The following OTOGL variants were observed in gnomAD, a reference collection of about 807,000 sequenced individuals.
OTOGL encodes otogelin-like protein.
A neutral mutation model predicts 318.5 loss-of-function variants in OTOGL; 285 were observed. That is an observed-to-expected ratio of 0.89 (90% CI 0.81 to 0.99). The LOEUF (loss-of-function observed/expected upper bound fraction) is 0.99, where lower values mean the gene tolerates loss of function less well. OTOGL is among the 50% of genes least tolerant of loss of function. The probability of loss-of-function intolerance (pLI) is 0.00; values close to 1 mark genes in which losing one functional copy is unlikely to be tolerated. For synonymous variants in OTOGL, 987 were observed against 936.5 expected (o/e 1.05, Z -0.99); for missense variants, 2,899 against 2,845.6 (o/e 1.02, Z -0.43).
intron 15 of OTOGL, 74 bp downstream of exon 15, chr12:80,254,644 T>C (rs2137514052): frequency 1.7e-6 from 2 of 1,209,412 alleles, no homozygotes; most frequent in South Asian, 1.4e-5. Context: ...GCACTGATCT[T>C]TATGAAGACA....
chr12:80,341,833 G>T lies in OTOGL; in HGVS notation c.5051-115G>T. 3 of 716,330 alleles carry T rather than the reference G, an allele frequency of 4.2e-6. No homozygotes were observed. The South Asian group carries it at 6.0e-5, about 14-fold the overall frequency. 44.4% of individuals were successfully genotyped at this position (716,330 alleles called of 1,614,324 possible). ...TAAAAGTTCAAGGATACATAAACTT[G>T]GTACCTTATATGGTAAATCATTTGT... is the stretch of plus-strand genomic sequence containing the variant. On this transcript the variant is annotated intron_variant, in intron 43 of 58. Transcript: ENST00000547103.
At chr12:80,298,882 C>T (rs939156726) in intron 27 of OTOGL, among the ~76,000 whole-genome samples, 4 of 152,122 alleles carry the variant, frequency 2.6e-5, no homozygotes, top group Admixed American at 6.6e-5. Context: ...ATTTGAACCT[C>T]ATTTTACAGG....
At chr12:80,261,764 T>G (rs1365534257) in intron 18 of OTOGL, among the ~76,000 whole-genome samples, 1 of 152,212 alleles carries the variant, frequency 6.6e-6, no homozygotes, top group Non-Finnish European at 1.5e-5. Flanking sequence ...AATAAAATCA[T>G]GTATGTCTAC....
rs1326648130 is a variant in OTOGL, at chr12:80,262,045, C to T, written c.1966C>T (p.Pro656Ser). 1.2e-6 allele frequency: 2 copies of T among 1,612,906 alleles called. No homozygotes were observed. Among genetic ancestry groups the T allele is most frequent in the Non-Finnish European group, 1.7e-6 (2 of 1,179,308 alleles). Reference protein sequence around the residue: ...AWRVSSTCFAPVHVPVVDPCN... With the variant: ...AWRVSSTCFASVHVPVVDPCN... ...GAGAGTTTCTTCTACCTGTTTTGCACCTGTTCATGTCCCAGTGGTGGACCC... is the reference window on the plus strand; with the variant it reads ...GAGAGTTTCTTCTACCTGTTTTGCATCTGTTCATGTCCCAGTGGTGGACCC... Residue 656 changes from proline (P) to serine (S), a missense_variant, in exon 19 of 59, where the codon CCT becomes TCT. Physicochemically the swap from Pro to Ser is moderately conservative, Grantham distance 74 (BLOSUM62 -1). Around this residue, in one of 3 missense-constraint regions of OTOGL, gnomAD observed 2,607 missense variants for 2,524.9 expected, o/e 1.03. Coordinates refer to ENST00000547103, the MANE Select transcript of OTOGL (RefSeq NM_001378609.3).
Position 80,252,193 on chromosome 12 carries a change from GC to G in OTOGL, c.1280del (p.Pro427GlnfsTer5). 6.3e-7 allele frequency: 1 copy of G among 1,598,418 alleles called. No homozygotes were observed. The highest frequency in any genetic ancestry group is 8.5e-7 in the Non-Finnish European group (1 of 1,171,650). On this transcript the variant is annotated frameshift_variant, in exon 13 of 59. Transcript: ENST00000547103. LOFTEE classifies it high-confidence loss of function. ...SNLHCLDGCY[C>X]PDGLVMDNGT... ...CTCCATTGTCTTGATGGATGTTACT[GC>G]CCAGATGGTAAGTGCTTCATGAAGA... is the stretch of plus-strand genomic sequence containing the variant.
chr12:80,366,909 T>C (rs1375602077), intron 53 of OTOGL, among the ~76,000 whole-genome samples: 3 of 152,084 alleles, frequency 2.0e-5, no homozygotes, highest in Non-Finnish European at 4.4e-5. Context: ...TTTTAATATG[T>C]CTACATTTAA....
intron 1 of OTOGL, among the ~76,000 whole-genome samples, chr12:80,201,505 G>T (rs1045929431): frequency 3.9e-5 from 6 of 152,092 alleles, no homozygotes; most frequent in African/African-American, 1.4e-4. Context: ...TTCATGAAGG[G>T]TCTGTTCCCC....
chr12:80,241,438 C>A (rs900298083), intron 11 of OTOGL, among the ~76,000 whole-genome samples: 1 of 151,874 alleles, frequency 6.6e-6, no homozygotes, highest in Non-Finnish European at 1.5e-5. Flanking sequence ...AATTTAAGAG[C>A]TACTTGCTAT....
intron 1 of OTOGL, among the ~76,000 whole-genome samples, chr12:80,120,529 T>C (rs1373650805): frequency 6.6e-6 from 1 of 152,150 alleles, no homozygotes; most frequent in East Asian, 1.9e-4. Context: ...TTGAATAATG[T>C]GCAAACTTCT....
At chr12:80,278,073 A>G in intron 24 of OTOGL, 95 bp from the exon 25 acceptor site, 1 of 976,314 alleles carries the variant, frequency 1.0e-6, no homozygotes, top group South Asian at 1.5e-5. Context: ...GCTCTAATAA[A>G]TATAGATGAC....
intron 42 of OTOGL, among the ~76,000 whole-genome samples, chr12:80,337,698 A>AT (rs1023284237): frequency 1.9e-4 from 29 of 151,964 alleles, no homozygotes; most frequent in African/African-American, 6.8e-4. Flanking sequence ...ATGTGTAAAG[A>AT]TTTTTTCTTA....
intron 11 of OTOGL, among the ~76,000 whole-genome samples, chr12:80,241,523 A>T (rs1462231621): frequency 6.6e-6 from 1 of 152,008 alleles, no homozygotes; most frequent in Non-Finnish European, 1.5e-5. Flanking sequence ...TTAGTCACAT[A>T]TATGGAATTA....
intron 1 of OTOGL, among the ~76,000 whole-genome samples, chr12:80,144,818 A>C (rs1394001987): frequency 6.6e-6 from 1 of 152,022 alleles, no homozygotes; most frequent in East Asian, 1.9e-4. Flanking sequence ...GATGATGAGC[A>C]TTTTTTCATA....
Position 80,368,246 on chromosome 12 carries a change from T to A in OTOGL, c.6552T>A (p.Cys2184Ter), listed in dbSNP as rs769314265. ...YTPSPSDYGC[C>*]GTCKNVSCKF... ...CATCCCCAAGTGATTATGGTTGTTG[T>A]GGTACCTGCAAAAATGTATCCTGCA... Residue 2184 changes from cysteine (C) to a stop codon, truncating the protein, a stop_gained, in exon 55 of 59, where the codon TGT becomes TGA. Transcript: ENST00000547103. LOFTEE classifies it high-confidence loss of function. 4 of 1,604,712 alleles carry A rather than the reference T, an allele frequency of 2.5e-6. No individual in the cohort carries two copies. The Admixed American group carries it at 6.8e-5, about 27-fold the overall frequency.
At chr12:80,117,188 T>G (rs557886005) in intron 1 of OTOGL, among the ~76,000 whole-genome samples, 1 of 152,292 alleles carries the variant, frequency 6.6e-6, no homozygotes, top group East Asian at 1.9e-4. Flanking sequence ...TAATCACTTT[T>G]ACCTTTGAAT....
intron 1 of OTOGL, among the ~76,000 whole-genome samples, chr12:80,111,422 G>A (rs533576781): frequency 6.6e-6 from 1 of 152,270 alleles, no homozygotes; most frequent in East Asian, 1.9e-4. Context: ...GTTGATTTTT[G>A]TATAAGGTGT....
chr12:80,306,656 TGA>T (rs1157969450), intron 29 of OTOGL, among the ~76,000 whole-genome samples: 1 of 152,118 alleles, frequency 6.6e-6, no homozygotes, highest in African/African-American at 2.4e-5. Flanking sequence ...TCCACTATAT[TGA>T]GAGAGACAAA....
chr12:80,128,989 G>T (rs1431453121), intron 1 of OTOGL, among the ~76,000 whole-genome samples: 1 of 152,166 alleles, frequency 6.6e-6, no homozygotes, highest in East Asian at 1.9e-4. Flanking sequence ...TGTGCTTCCT[G>T]GGTGAGGTGA....
chr12:80,240,723 A>G (rs908721231), intron 11 of OTOGL, among the ~76,000 whole-genome samples: 9 of 152,110 alleles, frequency 5.9e-5, no homozygotes, highest in African/African-American at 1.9e-4. Context: ...GAAAATAAAC[A>G]TGTAATTTTC....
Sources: allele counts gnomAD v4.1 joint callset (sites outside exome capture counted in the v4.1 genomes callset), GRCh38; gene constraint gnomAD v4.1.1; regional missense constraint gnomAD v4.1.1; transcripts MANE v1.5; gene names NCBI Gene and HGNC (gene_info 2026-07-23, HGNC 2026-07-21).